The following CDIN1 variants were observed in gnomAD, a reference collection of about 807,000 sequenced individuals.
The protein encoded by CDIN1 is CDAN1-interacting nuclease 1.
Under a neutral mutation model 45.3 loss-of-function variants are expected in CDIN1, and 33 were observed. The observed-to-expected ratio is 0.73, with a 90% CI of 0.55 to 0.97. CDIN1 has a LOEUF of 0.97. Ranked by LOEUF, CDIN1 falls within the 50% of genes least tolerant of loss-of-function variation. The probability of loss-of-function intolerance (pLI) is 0.00; values close to 1 mark genes in which losing one functional copy is unlikely to be tolerated. For synonymous variants in CDIN1, 118 were observed against 124.4 expected (o/e 0.95, Z 0.34); for missense variants, 303 against 339.4 (o/e 0.89, Z 0.84).
intron 1 of CDIN1, among the ~76,000 whole-genome samples, chr15:36,625,013 C>T (rs1479583304): frequency 1.3e-5 from 2 of 152,030 alleles, no homozygotes; most frequent in African/African-American, 2.4e-5. Context: ...TGTGGTGGCT[C>T]ACACCTGTAA....
intron 5 of CDIN1, among the ~76,000 whole-genome samples, chr15:36,670,090 C>T (rs936714974): frequency 6.6e-6 from 1 of 151,998 alleles, no homozygotes; most frequent in African/African-American, 2.4e-5. Flanking sequence ...TTAGTCTCCT[C>T]TCCCTGTTTA....
At chr15:36,767,715 T>C (rs1342972848) in intron 10 of CDIN1, among the ~76,000 whole-genome samples, 2 of 152,210 alleles carry the variant, frequency 1.3e-5, no homozygotes, top group African/African-American at 2.4e-5. Context: ...ACCTTCTCCA[T>C]GTGCCCTTTG....
At chr15:36,759,439 C>T (rs1275088391) in intron 10 of CDIN1, among the ~76,000 whole-genome samples, 2 of 152,004 alleles carry the variant, frequency 1.3e-5, no homozygotes, top group Non-Finnish European at 2.9e-5. Context: ...TTATTTTCCT[C>T]ACAATTGCTC....
At chr15:36,653,832 A>G (rs916334308) in intron 3 of CDIN1, among the ~76,000 whole-genome samples, 1 of 152,204 alleles carries the variant, frequency 6.6e-6, no homozygotes. Context: ...TTCACTTTAT[A>G]TGGTAGGAGG....
intron 10 of CDIN1, among the ~76,000 whole-genome samples, chr15:36,713,195 G>A (rs535584893): frequency 6.6e-6 from 1 of 152,236 alleles, no homozygotes; most frequent in East Asian, 1.9e-4. Flanking sequence ...CAGTTTGAAT[G>A]AAAATATTGA....
At chr15:36,627,611 A>T (rs1450772749) in intron 1 of CDIN1, 2 of 152,502 alleles carry the variant, frequency 1.3e-5, no homozygotes, top group Admixed American at 1.3e-4. Flanking sequence ...GCTGCAGAGC[A>T]TACTGCTCAT....
At chr15:36,616,327 G>T (rs1468957485) in intron 1 of CDIN1, among the ~76,000 whole-genome samples, 1 of 150,714 alleles carries the variant, frequency 6.6e-6, no homozygotes, top group Non-Finnish European at 1.5e-5. Context: ...TTGTTGCCCA[G>T]GCTGGAGTGC....
intron 1 of CDIN1, among the ~76,000 whole-genome samples, chr15:36,606,337 C>T (rs963581459): frequency 3.9e-5 from 6 of 152,070 alleles, no homozygotes; most frequent in South Asian, 2.1e-4. Context: ...ACTGAAAGTC[C>T]GACTTCTACA....
chr15:36,682,012 T>TA (rs1303343039), intron 5 of CDIN1, among the ~76,000 whole-genome samples: 1 of 152,046 alleles, frequency 6.6e-6, no homozygotes, highest in East Asian at 1.9e-4. Context: ...GTTGAGTGTT[T>TA]AAAAAAATGG....
intron 5 of CDIN1, among the ~76,000 whole-genome samples, chr15:36,663,952 G>A (rs1289441673): frequency 4.6e-5 from 7 of 152,206 alleles, no homozygotes; most frequent in Non-Finnish European, 2.9e-5. Context: ...TCTGAGTGTA[G>A]TGAGAAAGAC....
intron 10 of CDIN1, among the ~76,000 whole-genome samples, chr15:36,724,825 T>C (rs1318542673): frequency 1.3e-5 from 2 of 152,196 alleles, no homozygotes; most frequent in Non-Finnish European, 2.9e-5. Flanking sequence ...GTAATTTTAG[T>C]CTGGTTGCAC....
At chr15:36,602,068 A>G (rs2038134344) in intron 1 of CDIN1, among the ~76,000 whole-genome samples, 1 of 152,244 alleles carries the variant, frequency 6.6e-6, no homozygotes, top group African/African-American at 2.4e-5. Context: ...ATTATGTAAC[A>G]GTAAGAGGGA....
At chr15:36,626,792 A>G in intron 1 of CDIN1, 1 of 322,250 alleles carries the variant, frequency 3.1e-6, no homozygotes, top group Non-Finnish European at 6.1e-6. Flanking sequence ...GATGGGGGTC[A>G]GGGTTGCTAT....
At chr15:36,622,284 C>T (rs1329776398) in intron 1 of CDIN1, among the ~76,000 whole-genome samples, 1 of 151,920 alleles carries the variant, frequency 6.6e-6, no homozygotes, top group African/African-American at 2.4e-5. Flanking sequence ...CAGTTTTTCT[C>T]ATCGGGCTTG....
chr15:36,701,441 A>G (rs1566913016), intron 8 of CDIN1, among the ~76,000 whole-genome samples: 2 of 152,128 alleles, frequency 1.3e-5, no homozygotes, highest in Non-Finnish European at 2.9e-5. Flanking sequence ...TTGGACAAAA[A>G]GACAGGAAAG....
intron 1 of CDIN1, chr15:36,613,845 A>G (rs906501432): frequency 3.1e-5 from 50 of 1,598,502 alleles, no homozygotes; most frequent in South Asian, 5.5e-5. Context: ...GCAGATAGGA[A>G]GTATGAAGAG....
chr15:36,617,690 GAT>G (rs1385834105), intron 1 of CDIN1: 3 of 771,242 alleles, frequency 3.9e-6, no homozygotes, highest in Non-Finnish European at 4.8e-6. Context: ...GTTGTATTGT[GAT>G]TCTTAGAGAG....
chr15:36,749,483 T>C (rs549591863), intron 10 of CDIN1, among the ~76,000 whole-genome samples: 1 of 152,318 alleles, frequency 6.6e-6, no homozygotes, highest in South Asian at 2.1e-4. Flanking sequence ...ATTATTTTTA[T>C]AGATTTCTCA....
intron 10 of CDIN1, among the ~76,000 whole-genome samples, chr15:36,722,785 G>A (rs976692536): frequency 4.6e-5 from 7 of 152,064 alleles, no homozygotes; most frequent in East Asian, 1.9e-4. Flanking sequence ...AATGCAATTC[G>A]CATGTCTCGT....
Sources: gnomAD v4.1 joint callset for allele counts (sites outside exome capture counted in the v4.1 genomes callset) on GRCh38, gnomAD v4.1.1 for gene constraint, MANE v1.5 for transcripts, NCBI Gene and HGNC (gene_info 2026-07-23, HGNC 2026-07-21) for gene names.